The following C18orf32 variants were observed in gnomAD, a reference collection of about 807,000 sequenced individuals.
C18orf32 encodes UPF0729 protein C18orf32.
Under a neutral mutation model 7.4 loss-of-function variants are expected in C18orf32, and 5 were observed. The observed-to-expected ratio is 0.68, with a 90% CI of 0.35 to 1.42. The LOEUF is 1.42. Among genes scored for constraint, C18orf32 ranks in the 40% most tolerant of loss-of-function variants. C18orf32 has a pLI of 0.04. For missense variants in C18orf32, 88 were observed against 92.4 expected, an observed-to-expected ratio of 0.95 and a Z score of 0.19; for synonymous variants, 30 against 29.3, an observed-to-expected ratio of 1.02 and a Z score of -0.08.
rs138012802 is a variant in C18orf32, at chr18:49,483,647, A to G, written c.102T>C (p.Arg34=). Residue 34 remains arginine (R), a synonymous_variant, in exon 2 of 3, where the codon CGT becomes CGC. Transcript: ENST00000318240. ...IYPLVSPFVS[R]IWPKKAIQES... ...CTTGTATTGCTTTCTTAGGCCATATACGACTAACGAAGGGGGAAACCAGAG... is the reference window on the plus strand; with the variant it reads ...CTTGTATTGCTTTCTTAGGCCATATGCGACTAACGAAGGGGGAAACCAGAG... The G allele has an allele frequency of 7.7e-4, 1,249 of 1,613,490 alleles. 6 individuals are homozygous for G. In the Middle Eastern group the frequency reaches 0.011, roughly 14 times the overall value.
In C18orf32 at chr18:49,478,826, GAAC is replaced by G. The variant is rs989873340; in HGVS notation, c.*3516_*3518del. 1.4e-5 allele frequency: 2 copies of G among 147,714 alleles called. No homozygotes were observed. The highest frequency in any genetic ancestry group is 2.9e-5 in the Non-Finnish European group (2 of 67,986). 9.2% of individuals were successfully genotyped at this position (147,714 alleles called of 1,614,324 possible). On this transcript the variant is annotated 3_prime_UTR_variant, in exon 3 of 3. Transcript: ENST00000318240. ...TTAGCCTCCAAAATAAGAAAAATAT[GAAC>G]AAAATAGTGAATTTTTCATAAAATT... is the stretch of plus-strand genomic sequence containing the variant.
intron 1 of C18orf32, among the ~76,000 whole-genome samples, chr18:49,485,092 TTTC>T (rs1385605695): frequency 2.6e-5 from 4 of 151,208 alleles, no homozygotes; most frequent in African/African-American, 7.3e-5. Context: ...AAAAAAAAGA[TTTC>T]TTATTTTCAA....
rs1423664229 is a variant in C18orf32, at chr18:49,477,844, TATAC to T, written c.*4497_*4500del. 1.4e-5 allele frequency: 2 copies of T among 142,114 alleles called. No homozygotes were observed. Among genetic ancestry groups the T allele is most frequent in the Non-Finnish European group, 3.0e-5 (2 of 66,170 alleles). 8.8% of individuals were successfully genotyped at this position (142,114 alleles called of 1,614,324 possible). ...CTATATATATATACACATATATATA[TATAC>T]ACACACTATATATATACACACTATA... On this transcript the variant is annotated 3_prime_UTR_variant, in exon 3 of 3. Transcript: ENST00000318240.
rs769110907 is a variant in C18orf32 at position 49,483,541 on chromosome 18, C to A, written c.165+43G>T. On this transcript the variant is annotated intron_variant, in intron 2 of 2. Coordinates refer to ENST00000318240, the MANE Select transcript of C18orf32 (RefSeq NM_001035005.4). ...AATCTAGTGTTTCACCCAAGTACCACCCCCTTTCACTGCTCTTATTCAAGG... is the reference window on the plus strand; with the variant it reads ...AATCTAGTGTTTCACCCAAGTACCAACCCCTTTCACTGCTCTTATTCAAGG... 9 of 1,528,450 alleles carry A rather than the reference C, an allele frequency of 5.9e-6. No individual in the cohort carries two copies. The Admixed American group carries it at 1.8e-4, about 31-fold the overall frequency. The allele number at this position is 1,528,450 out of a possible 1,614,324, so 94.7% of individuals were successfully genotyped here. A position where few individuals can be genotyped will look rare whatever the true frequency, so the allele number is the denominator to read the frequency against.
In C18orf32 at chr18:49,477,604, AC is replaced by A. The variant is rs1260536524; in HGVS notation, c.*4740del. 2 of 149,646 alleles carry A rather than the reference AC, an allele frequency of 1.3e-5. No homozygotes were observed. Among genetic ancestry groups the A allele is most frequent in the Admixed American group, 6.6e-5 (1 of 15,132 alleles). 9.3% of individuals were successfully genotyped at this position (149,646 alleles called of 1,614,324 possible). On this transcript the variant is annotated 3_prime_UTR_variant, in exon 3 of 3. Transcript: ENST00000318240. ...AGACCAGCCTGACCAACGTGGTGAAACCCCGTCTCTACTAAAGTACAAAATT... is the reference window on the plus strand; with the variant it reads ...AGACCAGCCTGACCAACGTGGTGAAACCCGTCTCTACTAAAGTACAAAATT...
At chr18:49,486,548 T>G (rs550286453) in intron 1 of C18orf32, 1 of 151,846 alleles carries the variant, frequency 6.6e-6, no homozygotes, top group African/African-American at 2.4e-5. Context: ...TTCACACATA[T>G]GGAAACTGGG....
At chr18:49,486,544 C>T (rs2083749936) in intron 1 of C18orf32, 1 of 151,792 alleles carries the variant, frequency 6.6e-6, no homozygotes, top group African/African-American at 2.4e-5. Flanking sequence ...TTACTTCACA[C>T]ATATGGAAAC....
chr18:49,486,804 C>T (rs1043741437), intron 1 of C18orf32, among the ~76,000 whole-genome samples: 1 of 151,982 alleles, frequency 6.6e-6, no homozygotes, highest in Non-Finnish European at 1.5e-5. Context: ...ACAGAGGGAG[C>T]GGGGACAGGT....
At chr18:49,485,244 C>G in intron 1 of C18orf32, among the ~76,000 whole-genome samples, 1 of 152,028 alleles carries the variant, frequency 6.6e-6, no homozygotes, top group East Asian at 1.9e-4. Context: ...GAATTACAAG[C>G]AAGAGCTATA....
At chr18:49,482,954 G>A (rs531653124) in intron 2 of C18orf32, among the ~76,000 whole-genome samples, 15 of 151,838 alleles carry the variant, frequency 9.9e-5, no homozygotes, top group African/African-American at 3.1e-4. Flanking sequence ...GCCCACCACC[G>A]CGCCTCACTA....
At chr18:49,482,648 A>G (rs1248921329) in intron 2 of C18orf32, among the ~76,000 whole-genome samples, 1 of 151,500 alleles carries the variant, frequency 6.6e-6, no homozygotes, top group East Asian at 1.9e-4. Flanking sequence ...AATCGTTTGA[A>G]CCTGGGAGAC....
At position 49,483,567 on chromosome 18, in the gene C18orf32, C is replaced by A. The variant is rs1266492468; in HGVS notation, c.165+17G>T. ...CCCCTTTCACTGCTCTTATTCAAGG[C>A]ATGTGAATGTTCTTACCTTAAAGTT... On this transcript the variant is annotated intron_variant, in intron 2 of 2. Coordinates refer to ENST00000318240, the MANE Select transcript of C18orf32 (RefSeq NM_001035005.4). 1 of 1,579,876 alleles carries A rather than the reference C, an allele frequency of 6.3e-7. No individual in the cohort carries two copies. Among genetic ancestry groups the A allele is most frequent in the Admixed American group, 1.9e-5 (1 of 51,618 alleles).
chr18:49,483,197 G>A (rs1305829950), intron 2 of C18orf32, among the ~76,000 whole-genome samples: 1 of 152,082 alleles, frequency 6.6e-6, no homozygotes, highest in Non-Finnish European at 1.5e-5. Context: ...TGAGTACAAA[G>A]CTGAATCTAA....
rs1337181620 is a variant in C18orf32, at chr18:49,481,726, T to C, written c.*619A>G. On this transcript the variant is annotated 3_prime_UTR_variant, in exon 3 of 3. Transcript: ENST00000318240. ...AAATGCAGTAAGGATTAAAATTTTA[T>C]AATTAGACATTAATGTAACAGATGT... The C allele has an allele frequency of 6.6e-6, 1 of 152,244 alleles. No individual in the cohort carries two copies. The highest frequency in any genetic ancestry group is 1.5e-5 in the Non-Finnish European group (1 of 68,062). The allele number at this position is 152,244 out of a possible 1,614,324, so 9.4% of individuals were successfully genotyped here.
intron 1 of C18orf32, 35 bp from the exon 2 acceptor site, chr18:49,483,806 C>T: frequency 6.3e-7 from 1 of 1,576,548 alleles, no homozygotes; most frequent in South Asian, 1.2e-5. Flanking sequence ...ATTAGTTCAT[C>T]ACAGATTAGT....
At position 49,485,770 on chromosome 18, in the gene C18orf32, C is replaced by G. The variant is rs76582281; in HGVS notation, c.-24+1273G>C. ...CTGAGTAGGTAGGACCACAGCCCTG[C>G]GCCACGATGCCCGACAGATTTTTTA... is the stretch of plus-strand genomic sequence containing the variant. On this transcript the variant is annotated intron_variant, in intron 1 of 2. Transcript: ENST00000318240. 4.0e-3 allele frequency among the ~76,000 whole-genome samples: 605 copies of G among 152,010 alleles called. 6 individuals carry two copies. Among genetic ancestry groups the G allele is most frequent in the African/African-American group, 0.013 (545 of 41,492 alleles).
Position 49,483,663 on chromosome 18 carries a change from G to A in C18orf32, c.86C>T (p.Ser29Phe). 6.2e-7 allele frequency: 1 copy of A among 1,613,838 alleles called. No homozygotes were observed. The highest frequency in any genetic ancestry group is 8.5e-7 in the Non-Finnish European group (1 of 1,179,982). ...AGGCCATATACGACTAACGAAGGGG[G>A]AAACCAGAGGGTATATATATGGCTC... ...FLEPYIYPLV[S>F]PFVSRIWPKK... The change falls in exon 2 of 3, where the codon TCC becomes TTC. Residue 29 changes from serine to phenylalanine, a missense_variant. Transcript: ENST00000318240.
chr18:49,483,887 A>C (rs1232653598), intron 1 of C18orf32, 116 bp from the exon 2 acceptor site: 21 of 1,245,604 alleles, frequency 1.7e-5, no homozygotes, highest in Non-Finnish European at 2.3e-5. Context: ...CTGTAATCCC[A>C]GCACTTTGGG....
chr18:49,482,798 CTCT>C (rs1210120456), intron 2 of C18orf32, among the ~76,000 whole-genome samples: 29 of 114,874 alleles, frequency 2.5e-4, no homozygotes, highest in Non-Finnish European at 4.1e-4. Flanking sequence ...TTCTGTCTCT[CTCT>C]TTTTTTTTTT....
Sources: allele counts gnomAD v4.1 joint callset (sites outside exome capture counted in the v4.1 genomes callset), GRCh38; gene constraint gnomAD v4.1.1; transcripts MANE v1.5; gene names NCBI Gene and HGNC (gene_info 2026-07-23, HGNC 2026-07-21).